The following GPR39 variants were observed in gnomAD, a reference collection of about 807,000 sequenced individuals.
GPR39 encodes G protein-coupled receptor 39, also known as zinc sensing receptor.
In GPR39, 23 loss-of-function variants were observed where a neutral mutation model predicts 18.4. That is an observed-to-expected ratio of 1.25 (90% CI 0.90 to 1.77). GPR39 has a LOEUF of 1.77. GPR39 is among the 40% of genes most tolerant of loss of function. GPR39 has a pLI of 0.00. For synonymous variants in GPR39, 280 were observed against 257.9 expected (o/e 1.09, Z -0.82); for missense variants, 647 against 602.4 (o/e 1.07, Z -0.78).
intron 1 of GPR39, among the ~76,000 whole-genome samples, chr2:132,553,221 A>G (rs115819118): frequency 1.0e-3 from 159 of 151,506 alleles, no homozygotes; most frequent in African/African-American, 3.7e-3. Flanking sequence ...CCACATATCT[A>G]TGTATATTGA....
At chr2:132,471,810 G>A (rs545309120) in intron 1 of GPR39, among the ~76,000 whole-genome samples, 5 of 152,254 alleles carry the variant, frequency 3.3e-5, no homozygotes, top group Admixed American at 3.3e-4. Context: ...TGGGTCGCTT[G>A]GTGTGAGACA....
intron 1 of GPR39, among the ~76,000 whole-genome samples, chr2:132,452,414 C>T (rs1680645715): frequency 6.6e-6 from 1 of 151,990 alleles, no homozygotes; most frequent in Non-Finnish European, 1.5e-5. Flanking sequence ...CTTTAAATTT[C>T]TTATTTCCAT....
chr2:132,462,306 C>T lies in GPR39; in HGVS notation c.856+44408C>T, dbSNP rs143381412. 1.7e-3 allele frequency among the ~76,000 whole-genome samples: 264 copies of T among 152,252 alleles called. 6 individuals are homozygous for T. Among genetic ancestry groups the T allele is most frequent in the Admixed American group, 0.015 (228 of 15,304 alleles). ...GTAGTATCAAGAGGTTGTGGTGCTCCCTGTTTCTTGTGAAAGGATATGATT... is the reference window on the plus strand; with the variant it reads ...GTAGTATCAAGAGGTTGTGGTGCTCTCTGTTTCTTGTGAAAGGATATGATT... On this transcript the variant is annotated intron_variant, in intron 1 of 1. Coordinates refer to ENST00000329321, the MANE Select transcript of GPR39 (RefSeq NM_001508.3).
intron 1 of GPR39, among the ~76,000 whole-genome samples, chr2:132,456,186 A>G (rs950787359): frequency 7.2e-5 from 11 of 152,156 alleles, no homozygotes; most frequent in African/African-American, 2.4e-4. Flanking sequence ...TATATTTAGG[A>G]TAGTTATCTC....
At chr2:132,624,742 G>C (rs1026669349) in intron 1 of GPR39, among the ~76,000 whole-genome samples, 3 of 152,188 alleles carry the variant, frequency 2.0e-5, no homozygotes, top group African/African-American at 7.2e-5. Context: ...TCATGTTCTA[G>C]GGTGCAGCTT....
intron 1 of GPR39, among the ~76,000 whole-genome samples, chr2:132,527,285 G>A (rs1204941910): frequency 3.9e-5 from 6 of 152,080 alleles, no homozygotes; most frequent in South Asian, 2.1e-4. Context: ...CTTTTCTATG[G>A]CTACATAGTA....
intron 1 of GPR39, among the ~76,000 whole-genome samples, chr2:132,613,336 G>A (rs61399327): frequency 0.039 from 5,864 of 152,276 alleles, 375 homozygotes; most frequent in African/African-American, 0.13. Flanking sequence ...TATTGGGCAT[G>A]ATTTTTTATG....
chr2:132,591,216 A>G (rs1260224316), intron 1 of GPR39, among the ~76,000 whole-genome samples: 1 of 135,034 alleles, frequency 7.4e-6, no homozygotes, highest in Non-Finnish European at 1.5e-5. Flanking sequence ...GCGCCACTGC[A>G]GTCCGCAGTC....
chr2:132,492,966 AC>A (rs1681527306), intron 1 of GPR39, among the ~76,000 whole-genome samples: 1 of 139,604 alleles, frequency 7.2e-6, no homozygotes, highest in South Asian at 2.3e-4. Flanking sequence ...ATATATATAC[AC>A]CATATATACA....
intron 1 of GPR39, among the ~76,000 whole-genome samples, chr2:132,638,009 TAGAAG>T (rs772200296): frequency 1.7e-4 from 25 of 149,800 alleles, no homozygotes; most frequent in Non-Finnish European, 3.3e-4. Flanking sequence ...GAGGGAAAAA[TAGAAG>T]AGAAAAGAGA....
rs1681214797 is a variant in GPR39, at chr2:132,480,567, A to C, written c.856+62669A>C. On this transcript the variant is annotated intron_variant, in intron 1 of 1. Coordinates refer to ENST00000329321, the MANE Select transcript of GPR39 (RefSeq NM_001508.3). ...TGTAACTAGGGCAGGGACAGGAGGA[A>C]GGAAGAGGAGTTCTCAAGATAGAAT... Among the ~76,000 whole-genome samples the C allele has an allele frequency of 1.3e-5, 2 of 152,130 alleles. 1 individual carries two copies. The highest frequency in any genetic ancestry group is 4.2e-4 in the South Asian group (2 of 4,810).
intron 1 of GPR39, among the ~76,000 whole-genome samples, chr2:132,616,912 T>C (rs1395057890): frequency 6.6e-6 from 1 of 152,254 alleles, no homozygotes; most frequent in African/African-American, 2.4e-5. Flanking sequence ...GTCCCTACTG[T>C]TGAGCTGGAT....
chr2:132,517,717 G>A (rs571589494), intron 1 of GPR39, among the ~76,000 whole-genome samples: 4 of 152,290 alleles, frequency 2.6e-5, no homozygotes, highest in South Asian at 2.1e-4. Flanking sequence ...AGTTTTATAA[G>A]TAAATGTTTT....
At chr2:132,553,333 G>GTA (rs969936734) in intron 1 of GPR39, among the ~76,000 whole-genome samples, 1 of 148,874 alleles carries the variant, frequency 6.7e-6, no homozygotes, top group African/African-American at 2.4e-5. Context: ...GTGTGTGTGT[G>GTA]TGTATGTATA....
intron 1 of GPR39, among the ~76,000 whole-genome samples, chr2:132,525,168 C>G (rs1679486713): frequency 6.6e-6 from 1 of 152,182 alleles, no homozygotes; most frequent in Non-Finnish European, 1.5e-5. Flanking sequence ...CTCTTAAACT[C>G]CCCCAGCCCT....
intron 1 of GPR39, among the ~76,000 whole-genome samples, chr2:132,630,652 C>T (rs1681633630): frequency 6.6e-6 from 1 of 152,174 alleles, no homozygotes; most frequent in Non-Finnish European, 1.5e-5. Context: ...GACAGGGAGA[C>T]TTCTGCCTGG....
At chr2:132,518,953 C>T (rs950328771) in intron 1 of GPR39, among the ~76,000 whole-genome samples, 1 of 152,174 alleles carries the variant, frequency 6.6e-6, no homozygotes, top group African/African-American at 2.4e-5. Flanking sequence ...CCACATGGCA[C>T]AGGATGGGTC....
At chr2:132,624,150 C>CGG (rs1328371110) in intron 1 of GPR39, among the ~76,000 whole-genome samples, 3 of 152,140 alleles carry the variant, frequency 2.0e-5, no homozygotes, top group African/African-American at 7.2e-5. Flanking sequence ...ATCAAGGTGT[C>CGG]GGTAGGGTTG....
At chr2:132,444,498 G>A (rs557246991) in intron 1 of GPR39, among the ~76,000 whole-genome samples, 3 of 152,182 alleles carry the variant, frequency 2.0e-5, no homozygotes, top group African/African-American at 7.2e-5. Context: ...ATGTTGTGTA[G>A]GCTGATTTTG....
Sources: allele counts gnomAD v4.1 joint callset (sites outside exome capture counted in the v4.1 genomes callset), GRCh38; gene constraint gnomAD v4.1.1; transcripts MANE v1.5; gene names NCBI Gene and HGNC (gene_info 2026-07-23, HGNC 2026-07-21).